Variants in CACNA2D2 observed in about 807,000 individuals in gnomAD.
CACNA2D2 encodes the protein voltage-dependent calcium channel subunit alpha-2/delta-2.
Under a neutral mutation model 166.4 loss-of-function variants are expected in CACNA2D2, and 48 were observed. The ratio of observed to expected loss-of-function variants is 0.29; its 90% CI spans 0.23 to 0.37. CACNA2D2 has a LOEUF of 0.37. Among genes scored for constraint, CACNA2D2 ranks in the 10% least tolerant of loss-of-function variants. The pLI, the probability that CACNA2D2 is intolerant of heterozygous loss-of-function variation, is 1.00. For synonymous variants in CACNA2D2, 561 were observed against 573.7 expected (o/e 0.98, Z 0.32); for missense variants, 1,122 against 1,433.0 (o/e 0.78, Z 3.50).
At chr3:50,423,645 C>T (rs952194442) in intron 3 of CACNA2D2, among the ~76,000 whole-genome samples, 8 of 152,262 alleles carry the variant, frequency 5.3e-5, no homozygotes, top group African/African-American at 9.6e-5. Flanking sequence ...AGCTGATCTC[C>T]GTAACTGGGC....
intron 1 of CACNA2D2, among the ~76,000 whole-genome samples, chr3:50,487,311 C>A (rs1698330146): frequency 6.6e-6 from 1 of 152,216 alleles, no homozygotes; most frequent in Non-Finnish European, 1.5e-5. Flanking sequence ...CACAAGCAAG[C>A]CAAAGCTGAG....
chr3:50,382,731 TCTGCCTGGCAGGTCCCACC>T (rs1252565702), intron 6 of CACNA2D2, among the ~76,000 whole-genome samples: 1 of 151,896 alleles, frequency 6.6e-6, no homozygotes, highest in Non-Finnish European at 1.5e-5. Context: ...CCTGAGAGAG[TCTGCCTGGCAGGTCCCACC>T]CCTCACTGTG....
chr3:50,479,567 G>A (rs1047115394), intron 1 of CACNA2D2, among the ~76,000 whole-genome samples: 1 of 152,262 alleles, frequency 6.6e-6, no homozygotes, highest in Admixed American at 6.5e-5. Context: ...CAGAGGCCCT[G>A]AGGGGGCCAG....
At chr3:50,449,354 T>C (rs962580777) in intron 2 of CACNA2D2, among the ~76,000 whole-genome samples, 6 of 152,176 alleles carry the variant, frequency 3.9e-5, no homozygotes, top group Non-Finnish European at 7.4e-5. Context: ...GCCCAGCTAA[T>C]GGGCTGACAA....
chr3:50,426,857 G>A (rs1030364121), intron 3 of CACNA2D2, among the ~76,000 whole-genome samples: 2 of 152,154 alleles, frequency 1.3e-5, no homozygotes, highest in African/African-American at 2.4e-5. Context: ...CAGGCGGGTG[G>A]CTGAAGACAA....
At chr3:50,431,336 T>C (rs1357892527) in intron 3 of CACNA2D2, among the ~76,000 whole-genome samples, 1 of 152,014 alleles carries the variant, frequency 6.6e-6, no homozygotes, top group African/African-American at 2.4e-5. Flanking sequence ...CCCCCTCCTC[T>C]GGGGATATGG....
At chr3:50,422,767 C>T (rs1055948255) in intron 3 of CACNA2D2, among the ~76,000 whole-genome samples, 5 of 152,234 alleles carry the variant, frequency 3.3e-5, no homozygotes, top group African/African-American at 1.2e-4. Context: ...TGCAATCTCG[C>T]CTGGCGCTTC....
intron 3 of CACNA2D2, among the ~76,000 whole-genome samples, 200 bp downstream of exon 3, chr3:50,434,113 A>G (rs1410758225): frequency 6.6e-6 from 1 of 152,020 alleles, no homozygotes; most frequent in Non-Finnish European, 1.5e-5. Context: ...ACCACCTCTC[A>G]TGCAGCTACT....
At chr3:50,430,711 G>GA (rs1304541038) in intron 3 of CACNA2D2, among the ~76,000 whole-genome samples, 2 of 152,188 alleles carry the variant, frequency 1.3e-5, no homozygotes, top group African/African-American at 4.8e-5. Context: ...GGGAGGGCAG[G>GA]AGAGTCCTGA....
chr3:50,479,610 T>C (rs1040188004), intron 1 of CACNA2D2, among the ~76,000 whole-genome samples: 5 of 152,164 alleles, frequency 3.3e-5, no homozygotes, highest in African/African-American at 1.2e-4. Flanking sequence ...GTTCCTGCCT[T>C]GTGGACGAGA....
intron 5 of CACNA2D2, among the ~76,000 whole-genome samples, chr3:50,387,034 G>A (rs1231712820): frequency 1.3e-5 from 2 of 152,170 alleles, no homozygotes; most frequent in Non-Finnish European, 2.9e-5. Flanking sequence ...TGAGTGACAT[G>A]GAGGCAGAAG....
At chr3:50,470,414 G>A (rs1471851044) in intron 2 of CACNA2D2, among the ~76,000 whole-genome samples, 10 of 152,168 alleles carry the variant, frequency 6.6e-5, no homozygotes, top group Non-Finnish European at 1.3e-4. Flanking sequence ...AGGCATCCCA[G>A]GACAGTCCCC....
rs587756250 is a variant in CACNA2D2 at position 50,380,389 on chromosome 3, G to A, written c.842+359C>T. 1.2e-3 allele frequency among the ~76,000 whole-genome samples: 185 copies of A among 152,338 alleles called. No individual in the cohort carries two copies. The highest frequency in any genetic ancestry group is 1.6e-3 in the Non-Finnish European group (111 of 68,026). On this transcript the variant is annotated intron_variant, in intron 8 of 37. Coordinates refer to ENST00000424201, the MANE Select transcript of CACNA2D2 (RefSeq NM_006030.4). The surrounding 1 kb of genome is among the most constrained non-coding windows in gnomAD (Gnocchi z 4.9). ...TGGCAGGGAAGGAGAGTCACAGGGA[G>A]CTGCCGGAGGGGCAGAACAGAGGGG...
At chr3:50,481,460 C>T (rs1187940506) in intron 1 of CACNA2D2, among the ~76,000 whole-genome samples, 3 of 152,048 alleles carry the variant, frequency 2.0e-5, no homozygotes, top group African/African-American at 7.2e-5. Context: ...TCAGCCGCTG[C>T]GCTTCGTGAG....
At position 50,367,558 on chromosome 3, in the gene CACNA2D2, CACAGATGCAAGGAGGCCTCTGGGCAGA is replaced by C. The variant is rs587733235; in HGVS notation, c.2297+57_2298-62del. 1.3e-3 allele frequency: 2,097 copies of C among 1,608,880 alleles called. 11 individuals are homozygous for C. The highest frequency in any genetic ancestry group is 0.012 in the East Asian group (532 of 44,838). On this transcript the variant is annotated intron_variant, in intron 26 of 37. Coordinates refer to ENST00000424201, the MANE Select transcript of CACNA2D2 (RefSeq NM_006030.4). The surrounding 1 kb of genome is among the most constrained non-coding windows in gnomAD (Gnocchi z 6.5). ...GTGGCTTGTCGGGGACAGTGGTCTCCACAGATGCAAGGAGGCCTCTGGGCAGAACAGATGCAGGTTCCCTGGCAGGGG... is the reference window on the plus strand; with the variant it reads ...GTGGCTTGTCGGGGACAGTGGTCTCCACAGATGCAGGTTCCCTGGCAGGGG...
rs587767027 is a variant in CACNA2D2 at position 50,380,850 on chromosome 3, G to C, written c.785-45C>G. On this transcript the variant is annotated intron_variant, in intron 7 of 37. Transcript: ENST00000424201. This position sits in a 1 kb window ranked among gnomAD's most constrained non-coding sequence, Gnocchi z 4.9. Reference sequence around the variant, plus strand: ...GAGGGGGACTGGCAGGAAAGGGCTGGCCTGGGTAGGCAGACCTTGCAGAGG... The same window carrying C: ...GAGGGGGACTGGCAGGAAAGGGCTGCCCTGGGTAGGCAGACCTTGCAGAGG... 6.5e-7 allele frequency: 1 copy of C among 1,532,004 alleles called. No homozygotes were observed. Among genetic ancestry groups the C allele is most frequent in the Admixed American group, 2.1e-5 (1 of 48,300 alleles). 94.9% of individuals were successfully genotyped at this position (1,532,004 alleles called of 1,614,324 possible).
intron 2 of CACNA2D2, among the ~76,000 whole-genome samples, chr3:50,443,233 T>C (rs1708687348): frequency 6.6e-6 from 1 of 152,222 alleles, no homozygotes; most frequent in East Asian, 1.9e-4. Flanking sequence ...AAGCAGATTG[T>C]TTGTGTCGGC....
At chr3:50,435,109 G>A (rs1708248782) in intron 2 of CACNA2D2, among the ~76,000 whole-genome samples, 1 of 151,592 alleles carries the variant, frequency 6.6e-6, no homozygotes, top group Non-Finnish European at 1.5e-5. Flanking sequence ...CTGTGGGCAG[G>A]TGCATGTGGC....
At chr3:50,432,812 T>C (rs999686405) in intron 3 of CACNA2D2, among the ~76,000 whole-genome samples, 10 of 152,102 alleles carry the variant, frequency 6.6e-5, no homozygotes, top group South Asian at 2.1e-4. Flanking sequence ...CCAGGTCACA[T>C]AGGGACAGGC....
Sources: allele counts gnomAD v4.1 joint callset (sites outside exome capture counted in the v4.1 genomes callset), GRCh38; gene constraint gnomAD v4.1.1; non-coding constraint Gnocchi (gnomAD v3.1); transcripts MANE v1.5; gene names NCBI Gene and HGNC (gene_info 2026-07-23, HGNC 2026-07-21).